OPCML: variants seen among roughly 807,000 people sequenced by gnomAD.
OPCML encodes opioid-binding protein/cell adhesion molecule.
OPCML carries 13 observed loss-of-function variants against 37.8 expected under a neutral mutation model. The ratio of observed to expected loss-of-function variants is 0.34; its 90% CI spans 0.22 to 0.55. The LOEUF (loss-of-function observed/expected upper bound fraction) is 0.55, where lower values mean the gene tolerates loss of function less well. Among genes scored for constraint, OPCML ranks in the 20% least tolerant of loss-of-function variants. The probability of loss-of-function intolerance (pLI) is 0.91; values close to 1 mark genes in which losing one functional copy is unlikely to be tolerated. For missense variants in OPCML, 341 were observed against 435.6 expected (o/e 0.78, Z 1.93); for synonymous variants, 176 against 168.8 (o/e 1.04, Z -0.33).
chr11:133,017,104 C>T (rs1434117900), intron 1 of OPCML, among the ~76,000 whole-genome samples: 1 of 152,148 alleles, frequency 6.6e-6, no homozygotes, highest in African/African-American at 2.4e-5. Flanking sequence ...TAAGGGCTCT[C>T]TTCTTGGCTT....
chr11:132,685,912 G>C (rs149646297), intron 2 of OPCML, among the ~76,000 whole-genome samples: 1 of 152,092 alleles, frequency 6.6e-6, no homozygotes. Context: ...GTGTAACTTC[G>C]GGTTTAATAC....
chr11:132,749,061 A>G (rs994225977), intron 2 of OPCML, among the ~76,000 whole-genome samples: 1 of 152,126 alleles, frequency 6.6e-6, no homozygotes, highest in Non-Finnish European at 1.5e-5. Context: ...TTGAGAAGTG[A>G]TCAGGCTATG....
chr11:132,609,223 G>C (rs75342941), intron 3 of OPCML, among the ~76,000 whole-genome samples: 3,911 of 152,256 alleles, frequency 0.026, 173 homozygotes, highest in African/African-American at 0.09. Flanking sequence ...TGCCTATTCT[G>C]TCAGGAATTC....
chr11:132,436,290 C>T (rs538140160), intron 6 of OPCML, 53 bp from the exon 7 acceptor site: 3 of 1,612,060 alleles, frequency 1.9e-6, no homozygotes, highest in Non-Finnish European at 2.5e-6. Flanking sequence ...GGCCCTCCTC[C>T]TCACCAAACT....
intron 1 of OPCML, among the ~76,000 whole-genome samples, chr11:133,382,983 G>T (rs1339842281): frequency 6.6e-6 from 1 of 152,094 alleles, no homozygotes; most frequent in Non-Finnish European, 1.5e-5. Context: ...ATGTGGAGGA[G>T]GAGTTCTTAA....
chr11:133,448,051 A>T (rs1318416674), intron 1 of OPCML, among the ~76,000 whole-genome samples: 2 of 152,156 alleles, frequency 1.3e-5, no homozygotes, highest in Admixed American at 1.3e-4. Flanking sequence ...AAAAAGTCCA[A>T]TGTATTATTT....
At chr11:132,938,476 A>G (rs12284012) in intron 2 of OPCML, among the ~76,000 whole-genome samples, 4 of 152,212 alleles carry the variant, frequency 2.6e-5, no homozygotes, top group Non-Finnish European at 4.4e-5. Flanking sequence ...AACTGAAAAA[A>G]ATGTGTGAGT....
rs1421596831 is a variant in OPCML, at chr11:132,955,922, C to T, written c.62-12912G>A. Among the ~76,000 whole-genome samples, 7 of 152,142 alleles carry T rather than the reference C, an allele frequency of 4.6e-5. No individual in the cohort carries two copies. In the East Asian group the frequency reaches 1.2e-3, roughly 25 times the overall value. On this transcript the variant is annotated intron_variant, in intron 1 of 7. Coordinates refer to ENST00000524381, the MANE Select transcript of OPCML (RefSeq NM_001012393.5). ...GAAAATGCTGAACCTTTTCCTATTT[C>T]CCTCAACATTCATTGCTGTATTACC...
chr11:133,114,700 C>T (rs544868604), intron 1 of OPCML, among the ~76,000 whole-genome samples: 1 of 132,066 alleles, frequency 7.6e-6, no homozygotes, highest in South Asian at 2.7e-4. Flanking sequence ...GCATCTAATT[C>T]TTTTACCACT....
Position 133,489,858 on chromosome 11 carries a change from TTATACATGCACACACA to T in OPCML, c.61+42390_61+42405del, listed in dbSNP as rs1471579505. On this transcript the variant is annotated intron_variant, in intron 1 of 7. Coordinates refer to ENST00000524381, the MANE Select transcript of OPCML (RefSeq NM_001012393.5). ...TACATATATATATATATATATTTTTTTATACATGCACACACATATACATATACACACACATACATAT... is the reference window on the plus strand; with the variant it reads ...TACATATATATATATATATATTTTTTTATACATATACACACACATACATAT... Among the ~76,000 whole-genome samples the T allele has an allele frequency of 5.5e-5, 8 of 145,354 alleles. No homozygotes were observed. In the East Asian group the frequency reaches 1.4e-3, roughly 25 times the overall value.
At chr11:132,583,548 C>T (rs538610740) in intron 3 of OPCML, among the ~76,000 whole-genome samples, 1 of 152,250 alleles carries the variant, frequency 6.6e-6, no homozygotes, top group South Asian at 2.1e-4. Context: ...AATCCTCTCA[C>T]CTTCGCTTCT....
At chr11:132,421,784 A>T (rs2095960096) in intron 7 of OPCML, among the ~76,000 whole-genome samples, 1 of 152,170 alleles carries the variant, frequency 6.6e-6, no homozygotes, top group Non-Finnish European at 1.5e-5. Flanking sequence ...TATTGATGGA[A>T]AGTAGCCTGA....
chr11:132,447,197 C>T (rs1189443503), intron 4 of OPCML, among the ~76,000 whole-genome samples: 1 of 152,176 alleles, frequency 6.6e-6, no homozygotes, highest in Non-Finnish European at 1.5e-5. Flanking sequence ...TTAATTTATT[C>T]GTATAGCAGT....
intron 1 of OPCML, among the ~76,000 whole-genome samples, chr11:133,493,039 G>C (rs539972431): frequency 1.3e-5 from 2 of 152,300 alleles, no homozygotes; most frequent in African/African-American, 4.8e-5. Flanking sequence ...GTCCTTCGGA[G>C]CCCAGTATCT....
chr11:132,561,940 A>G (rs982571055), intron 3 of OPCML, among the ~76,000 whole-genome samples: 6 of 152,194 alleles, frequency 3.9e-5, no homozygotes, highest in Non-Finnish European at 7.3e-5. Flanking sequence ...ATTCTCAGCA[A>G]TTCTTTGACA....
At chr11:133,084,890 AAAAATACT>A (rs1948795768) in intron 1 of OPCML, among the ~76,000 whole-genome samples, 1 of 152,242 alleles carries the variant, frequency 6.6e-6, no homozygotes, top group Non-Finnish European at 1.5e-5. Flanking sequence ...ACCATGATAT[AAAAATACT>A]GACATCAAAA....
intron 1 of OPCML, among the ~76,000 whole-genome samples, chr11:133,316,557 C>G (rs1003578469): frequency 6.6e-6 from 1 of 152,106 alleles, no homozygotes; most frequent in Non-Finnish European, 1.5e-5. Context: ...GTGCAGCAAA[C>G]CACCATGGCA....
chr11:132,985,453 C>T (rs556198414), intron 1 of OPCML, among the ~76,000 whole-genome samples: 1 of 152,320 alleles, frequency 6.6e-6, no homozygotes, highest in East Asian at 1.9e-4. Context: ...GCCATGAGAA[C>T]CCTCCATTGG....
intron 2 of OPCML, among the ~76,000 whole-genome samples, chr11:132,702,209 CT>C (rs1403615990): frequency 2.0e-5 from 3 of 152,150 alleles, no homozygotes; most frequent in Non-Finnish European, 2.9e-5. Flanking sequence ...CTCATTCCAA[CT>C]TGAAAAACTC....
Sources: gnomAD v4.1 joint callset for allele counts (sites outside exome capture counted in the v4.1 genomes callset) on GRCh38, gnomAD v4.1.1 for gene constraint, MANE v1.5 for transcripts, NCBI Gene and HGNC (gene_info 2026-07-23, HGNC 2026-07-21) for gene names.